CEP112: variants seen among roughly 807,000 people sequenced by gnomAD.
CEP112 encodes centrosomal protein of 112 kDa.
A neutral mutation model predicts 153.0 loss-of-function variants in CEP112; 127 were observed. The observed-to-expected ratio is 0.83, with a 90% CI of 0.72 to 0.96. The LOEUF is 0.96. Ranked by LOEUF, CEP112 falls within the 40% of genes least tolerant of loss-of-function variation. The pLI, the probability that CEP112 is intolerant of heterozygous loss-of-function variation, is 0.00. For synonymous variants in CEP112, 358 were observed against 374.4 expected (o/e 0.96, Z 0.51); for missense variants, 1,089 against 1,101.2 (o/e 0.99, Z 0.16).
At chr17:65,982,633 C>A (rs992654414) in intron 17 of CEP112, among the ~76,000 whole-genome samples, 49 of 152,176 alleles carry the variant, frequency 3.2e-4, no homozygotes, top group African/African-American at 1.2e-3. Flanking sequence ...GTGCCAACTG[C>A]CAGAGTATTA....
chr17:65,857,709 T>C (rs566326386), intron 20 of CEP112, among the ~76,000 whole-genome samples: 1 of 152,328 alleles, frequency 6.6e-6, no homozygotes, highest in South Asian at 2.1e-4. Context: ...GGGATTTTTT[T>C]TTTTGGACTC....
intron 20 of CEP112, among the ~76,000 whole-genome samples, chr17:65,858,446 T>A (rs1008135913): frequency 5.9e-5 from 9 of 152,324 alleles, no homozygotes; most frequent in Middle Eastern, 3.4e-3. Flanking sequence ...TGGAAATTTG[T>A]CCATTTCACC....
At chr17:66,115,077 C>T (rs181435432) in intron 6 of CEP112, among the ~76,000 whole-genome samples, 2 of 151,990 alleles carry the variant, frequency 1.3e-5, no homozygotes, top group Non-Finnish European at 2.9e-5. Context: ...TGGTGGCGGA[C>T]ACCTGTAATC....
At chr17:65,974,252 A>AT (rs58585335) in intron 17 of CEP112, among the ~76,000 whole-genome samples, 50,669 of 151,520 alleles carry the variant, frequency 0.33, 9,988 homozygotes, top group Non-Finnish European at 0.46. Flanking sequence ...ATTTTTTTGC[A>AT]TTTTTTGTAG....
intron 8 of CEP112, among the ~76,000 whole-genome samples, chr17:66,095,030 C>G (rs371280284): frequency 6.6e-6 from 1 of 152,058 alleles, no homozygotes; most frequent in Non-Finnish European, 1.5e-5. Context: ...AAAAAAGAAC[C>G]CTTGCCCAGT....
At chr17:65,755,265 C>G (rs1253799704) in intron 21 of CEP112, among the ~76,000 whole-genome samples, 1 of 152,090 alleles carries the variant, frequency 6.6e-6, no homozygotes, top group East Asian at 1.9e-4. Flanking sequence ...GGGAAACATG[C>G]ATATCTTCAC....
At chr17:66,063,662 A>G (rs1220040960) in intron 10 of CEP112, among the ~76,000 whole-genome samples, 1 of 152,166 alleles carries the variant, frequency 6.6e-6, no homozygotes, top group Non-Finnish European at 1.5e-5. Flanking sequence ...AAAAATTTAA[A>G]TAAGTAAAGA....
At chr17:65,771,125 C>T (rs1489282306) in intron 21 of CEP112, among the ~76,000 whole-genome samples, 2 of 151,938 alleles carry the variant, frequency 1.3e-5, no homozygotes, top group Admixed American at 1.3e-4. Flanking sequence ...CTACATGGTG[C>T]TTTCACGATA....
At chr17:66,063,627 G>A (rs1568448981) in intron 10 of CEP112, among the ~76,000 whole-genome samples, 1 of 152,076 alleles carries the variant, frequency 6.6e-6, no homozygotes, top group East Asian at 1.9e-4. Flanking sequence ...AAAACCACTT[G>A]TAACCTAAAA....
intron 6 of CEP112, among the ~76,000 whole-genome samples, chr17:66,100,036 T>G (rs934251378): frequency 6.6e-6 from 1 of 151,464 alleles, no homozygotes; most frequent in Non-Finnish European, 1.5e-5. Flanking sequence ...AATACAAAGA[T>G]GTTAAATAGG....
intron 21 of CEP112, among the ~76,000 whole-genome samples, chr17:65,758,749 A>G (rs116435256): frequency 6.6e-6 from 1 of 152,206 alleles, no homozygotes; most frequent in African/African-American, 2.4e-5. Flanking sequence ...AGGCTGAAAG[A>G]AAGCAAGAAT....
intron 6 of CEP112, among the ~76,000 whole-genome samples, chr17:66,118,021 C>T (rs914723633): frequency 2.0e-5 from 3 of 152,002 alleles, no homozygotes; most frequent in African/African-American, 4.8e-5. Flanking sequence ...AGGATGCTGA[C>T]GAGGATGTGG....
intron 20 of CEP112, among the ~76,000 whole-genome samples, chr17:65,869,198 G>A (rs2058573713): frequency 1.3e-5 from 2 of 152,200 alleles, no homozygotes; most frequent in African/African-American, 4.8e-5. Flanking sequence ...TCCCTTAAAT[G>A]ACCAAGAGCT....
At chr17:66,134,460 A>G (rs1280656177) in intron 4 of CEP112, among the ~76,000 whole-genome samples, 2 of 152,222 alleles carry the variant, frequency 1.3e-5, no homozygotes, top group Non-Finnish European at 2.9e-5. Context: ...CAAGAAAATG[A>G]GTCATAATCT....
intron 6 of CEP112, among the ~76,000 whole-genome samples, chr17:66,116,898 C>T (rs957446955): frequency 2.2e-5 from 3 of 133,886 alleles, no homozygotes; most frequent in African/African-American, 5.5e-5. Flanking sequence ...GACGGAGTCT[C>T]GCTCTGTTGC....
At chr17:65,774,743 G>A (rs997506125) in intron 21 of CEP112, among the ~76,000 whole-genome samples, 1 of 152,182 alleles carries the variant, frequency 6.6e-6, no homozygotes. Context: ...AGTGACTGAG[G>A]CCTGAGGTGA....
chr17:66,065,629 CT>C (rs34757999), intron 10 of CEP112, among the ~76,000 whole-genome samples: 54,821 of 140,066 alleles, frequency 0.39, 11,546 homozygotes, highest in East Asian at 0.86. Context: ...ATTTTAAAAT[CT>C]TTTTTTTTTT....
intron 18 of CEP112, among the ~76,000 whole-genome samples, chr17:65,947,254 T>TA (rs71361248): frequency 0.41 from 62,692 of 151,824 alleles, 14,326 homozygotes; most frequent in East Asian, 0.87. Context: ...ATTATAATCA[T>TA]ACACCTTTAT....
intron 21 of CEP112, among the ~76,000 whole-genome samples, chr17:65,802,693 C>T (rs2055351925): frequency 1.3e-5 from 2 of 152,198 alleles, no homozygotes; most frequent in Non-Finnish European, 2.9e-5. Context: ...GATGTTCTTA[C>T]TAGACTATAG....
Sources: gnomAD v4.1 joint callset for allele counts (sites outside exome capture counted in the v4.1 genomes callset) on GRCh38, gnomAD v4.1.1 for gene constraint, MANE v1.5 for transcripts, NCBI Gene and HGNC (gene_info 2026-07-23, HGNC 2026-07-21) for gene names.